The following KCNT2 variants were observed in gnomAD, a reference collection of about 807,000 sequenced individuals.
KCNT2 encodes potassium channel subfamily T member 2.
In KCNT2, 67 loss-of-function variants were observed where a neutral mutation model predicts 153.8. The observed-to-expected ratio is 0.44, with a 90% CI of 0.36 to 0.53. The LOEUF is 0.53. Ranked by LOEUF, KCNT2 falls within the 20% of genes least tolerant of loss-of-function variation. The pLI, the probability that KCNT2 is intolerant of heterozygous loss-of-function variation, is 0.00. For synonymous variants in KCNT2, 500 were observed against 458.8 expected (o/e 1.09, Z -1.15); for missense variants, 975 against 1,354.8 (o/e 0.72, Z 4.40).
chr1:196,439,644 T>A (rs1675046594), intron 8 of KCNT2, among the ~76,000 whole-genome samples: 1 of 151,970 alleles, frequency 6.6e-6, no homozygotes, highest in South Asian at 2.1e-4. Context: ...GGAAAATATT[T>A]CCCTTTTGGG....
At chr1:196,241,096 G>T (rs1654913818) in intron 26 of KCNT2, among the ~76,000 whole-genome samples, 2 of 152,012 alleles carry the variant, frequency 1.3e-5, no homozygotes, top group Admixed American at 6.6e-5. Context: ...AGGAGACAGA[G>T]AATTTTAAGC....
At position 196,334,002 on chromosome 1, in the gene KCNT2, C is replaced by G; in HGVS notation, c.1842G>C (p.Leu614=). ...TSCRSASGPT[L]SLPTEGSKEI... is the part of the protein sequence containing the mutation. ...CTTTGCTTCCCTCTGTAGGAAGAGA[C>G]AGGGTAGGGCCACTTGCTGATCTAC... is the stretch of plus-strand genomic sequence containing the variant. Residue 614 remains leucine, a synonymous_variant, in exon 17 of 28, where the codon CTG becomes CTC. Coordinates refer to ENST00000294725, the MANE Select transcript of KCNT2 (RefSeq NM_198503.5). The G allele has an allele frequency of 7.4e-6, 12 of 1,613,398 alleles. No homozygotes were observed. Among genetic ancestry groups the G allele is most frequent in the South Asian group, 1.1e-5 (1 of 91,072 alleles).
chr1:196,563,408 T>C (rs1323724489), intron 1 of KCNT2, among the ~76,000 whole-genome samples: 1 of 145,296 alleles, frequency 6.9e-6, no homozygotes, highest in Non-Finnish European at 1.5e-5. Flanking sequence ...AAAGAAGTGG[T>C]ATTCATCGTT....
intron 22 of KCNT2, among the ~76,000 whole-genome samples, chr1:196,286,641 A>ACACC (rs574129171): frequency 0.042 from 5,790 of 138,930 alleles, 154 homozygotes; most frequent in South Asian, 0.084. Context: ...ACACACATAC[A>ACACC]CACACACACA....
intron 1 of KCNT2, among the ~76,000 whole-genome samples, chr1:196,505,903 A>G (rs1440170130): frequency 1.3e-5 from 2 of 152,102 alleles, no homozygotes; most frequent in Admixed American, 1.3e-4. Flanking sequence ...TTGGTGTATA[A>G]GAATGCTTGT....
intron 14 of KCNT2, among the ~76,000 whole-genome samples, chr1:196,346,248 A>G (rs1333003451): frequency 2.0e-5 from 3 of 152,126 alleles, no homozygotes; most frequent in Admixed American, 1.3e-4. Flanking sequence ...GGTCTACATT[A>G]CATAAGCTTC....
At position 196,429,566 on chromosome 1, in the gene KCNT2, GT is replaced by G. The variant is rs1553323803; in HGVS notation, c.819+10del. The G allele has an allele frequency of 6.3e-7, 1 of 1,580,514 alleles. No individual in the cohort carries two copies. Among genetic ancestry groups the G allele is most frequent in the Non-Finnish European group, 8.6e-7 (1 of 1,163,444 alleles). On this transcript the variant is annotated intron_variant, in intron 9 of 27. Transcript: ENST00000294725. ...GTACATTTCTATGCAATATAAGATG[GT>G]TTTGTTTACCTGTATGGGTAGAACC... is the stretch of plus-strand genomic sequence containing the variant.
chr1:196,493,300 C>T (rs1329401730), intron 1 of KCNT2, among the ~76,000 whole-genome samples: 2 of 141,194 alleles, frequency 1.4e-5, no homozygotes, highest in Non-Finnish European at 3.0e-5. Context: ...AAATGTAATT[C>T]ATGTAAGCCA....
In KCNT2 at chr1:196,605,150, C is replaced by A. The variant is rs77484936; in HGVS notation, c.95+3065G>T. ...AGTGTTTATACTCCTACATTTGGAA[C>A]ACAATTCCCCCATCATTACAAGGAT... On this transcript the variant is annotated intron_variant, in intron 1 of 27. Transcript: ENST00000294725. Among the ~76,000 whole-genome samples, 702 of 152,314 alleles carry A rather than the reference C, an allele frequency of 4.6e-3. 11 individuals are homozygous for A. Among genetic ancestry groups the A allele is most frequent in the East Asian group, 0.035 (181 of 5,188 alleles).
At chr1:196,549,563 T>C (rs1315946747) in intron 1 of KCNT2, among the ~76,000 whole-genome samples, 1 of 151,832 alleles carries the variant, frequency 6.6e-6, no homozygotes, top group East Asian at 1.9e-4. Flanking sequence ...ATTCTAGTAA[T>C]ATACAGACAA....
chr1:196,504,443 C>T (rs1410096142), intron 1 of KCNT2, among the ~76,000 whole-genome samples: 2 of 152,162 alleles, frequency 1.3e-5, no homozygotes, highest in African/African-American at 4.8e-5. Context: ...CATAGTATTC[C>T]ATGGTGTATA....
intron 23 of KCNT2, among the ~76,000 whole-genome samples, chr1:196,283,560 A>G (rs1039622670): frequency 3.9e-5 from 6 of 152,338 alleles, no homozygotes; most frequent in Middle Eastern, 3.4e-3. Flanking sequence ...AAGCTAGAAT[A>G]GTCTTTACAG....
intron 26 of KCNT2, among the ~76,000 whole-genome samples, chr1:196,239,744 A>G (rs1468716343): frequency 3.9e-5 from 6 of 152,028 alleles, no homozygotes; most frequent in Non-Finnish European, 5.9e-5. Context: ...TATAGACTGA[A>G]TTGTGTGTTC....
intron 1 of KCNT2, among the ~76,000 whole-genome samples, chr1:196,562,248 A>G (rs1203866133): frequency 2.0e-5 from 3 of 151,988 alleles, no homozygotes. Context: ...AGGACCTGCT[A>G]TCTGTCATGA....
chr1:196,302,729 A>AC (rs1661301716), intron 22 of KCNT2, among the ~76,000 whole-genome samples: 1 of 150,338 alleles, frequency 6.7e-6, no homozygotes, highest in Non-Finnish European at 1.5e-5. Flanking sequence ...CCCCAGCACA[A>AC]CTTTTTTTTT....
At chr1:196,476,404 GT>G (rs1678533674) in intron 5 of KCNT2, among the ~76,000 whole-genome samples, 1 of 151,960 alleles carries the variant, frequency 6.6e-6, no homozygotes, top group African/African-American at 2.4e-5. Flanking sequence ...TATTTTTCTA[GT>G]TACCCAATAT....
At chr1:196,436,382 C>T (rs1464064450) in intron 8 of KCNT2, among the ~76,000 whole-genome samples, 1 of 151,430 alleles carries the variant, frequency 6.6e-6, no homozygotes, top group African/African-American at 2.4e-5. Context: ...GCCTTCAGGA[C>T]AGGTAGATAC....
intron 13 of KCNT2, among the ~76,000 whole-genome samples, chr1:196,390,612 A>C (rs1670392671): frequency 6.6e-6 from 1 of 151,288 alleles, no homozygotes; most frequent in Admixed American, 6.6e-5. Context: ...TGCACTCAAC[A>C]TTTCCCCTAG....
intron 18 of KCNT2, among the ~76,000 whole-genome samples, chr1:196,327,376 T>C (rs1434709409): frequency 1.3e-5 from 2 of 151,110 alleles, no homozygotes; most frequent in Non-Finnish European, 2.9e-5. Flanking sequence ...GCTGGCACGA[T>C]AATGATTCAA....
Sources: gnomAD v4.1 joint callset for allele counts (sites outside exome capture counted in the v4.1 genomes callset) on GRCh38, gnomAD v4.1.1 for gene constraint, MANE v1.5 for transcripts, NCBI Gene and HGNC (gene_info 2026-07-23, HGNC 2026-07-21) for gene names.